The following TBCE variants were observed in gnomAD, a reference collection of about 807,000 sequenced individuals.
The protein encoded by TBCE is tubulin folding cofactor E, also known as tubulin-specific chaperone E.
A neutral mutation model predicts 77.0 loss-of-function variants in TBCE; 53 were observed. That is an observed-to-expected ratio of 0.69 (90% CI 0.55 to 0.87). The LOEUF (loss-of-function observed/expected upper bound fraction) is 0.87. TBCE is among the 40% of genes least tolerant of loss of function. The pLI is 0.00. For missense variants in TBCE, 624 were observed against 622.4 expected, an observed-to-expected ratio of 1.00 and a Z score of -0.03; for synonymous variants, 235 against 241.3, an observed-to-expected ratio of 0.97 and a Z score of 0.24.
At chr1:235,411,351 G>A (rs937021160) in intron 3 of TBCE, among the ~76,000 whole-genome samples, 8 of 152,200 alleles carry the variant, frequency 5.3e-5, no homozygotes, top group African/African-American at 1.7e-4. Flanking sequence ...CACCATTCCA[G>A]TTGAAGCCTT....
intron 2 of TBCE, among the ~76,000 whole-genome samples, chr1:235,382,516 G>C (rs1484393215): frequency 6.6e-6 from 1 of 152,180 alleles, no homozygotes; most frequent in South Asian, 2.1e-4. Context: ...TCTAACTGAT[G>C]TGAGATGGTA....
chr1:235,439,677 G>A (rs1423268863), intron 13 of TBCE, among the ~76,000 whole-genome samples: 4 of 151,486 alleles, frequency 2.6e-5, no homozygotes, highest in Non-Finnish European at 5.9e-5. Flanking sequence ...TAGTAGAGAC[G>A]GGGTTTCACC....
chr1:235,374,790 T>C lies in TBCE; in HGVS notation c.-31-5229T>C, dbSNP rs575169136. ...TGCTGGGATTACAGGTGTGAGCTAC[T>C]GTGCCCAGCTGGCCTTCCACATTTA... On this transcript the variant is annotated intron_variant, in intron 1 of 16. Coordinates refer to ENST00000642610, the MANE Select transcript of TBCE (RefSeq NM_003193.5). Among the ~76,000 whole-genome samples the C allele has an allele frequency of 7.1e-4, 104 of 145,724 alleles. 13 individuals are homozygous for C. Among genetic ancestry groups the C allele is most frequent in the African/African-American group, 2.5e-3 (94 of 37,758 alleles).
intron 2 of TBCE, among the ~76,000 whole-genome samples, chr1:235,391,030 G>A (rs539592931): frequency 2.0e-5 from 3 of 152,116 alleles, no homozygotes; most frequent in Non-Finnish European, 4.4e-5. Flanking sequence ...GGCTGCAGCG[G>A]TGTTCATTGC....
At chr1:235,431,347 CA>C in intron 7 of TBCE, among the ~76,000 whole-genome samples, 1 of 151,946 alleles carries the variant, frequency 6.6e-6, no homozygotes, top group East Asian at 1.9e-4. Context: ...TTCACACACC[CA>C]GAGCATTCCA....
intron 2 of TBCE, among the ~76,000 whole-genome samples, chr1:235,390,749 G>A (rs957422517): frequency 3.4e-5 from 4 of 119,342 alleles, no homozygotes; most frequent in South Asian, 2.6e-4. Context: ...TGACAAGAGC[G>A]AAACGTCTCA....
At chr1:235,392,600 G>A (rs1048178933) in intron 2 of TBCE, among the ~76,000 whole-genome samples, 5 of 151,146 alleles carry the variant, frequency 3.3e-5, no homozygotes, top group Admixed American at 6.6e-5. Flanking sequence ...TGGTAGAGAT[G>A]GGGTTTCACT....
intron 1 of TBCE, among the ~76,000 whole-genome samples, chr1:235,377,327 G>A (rs549993468): frequency 5.3e-5 from 8 of 152,156 alleles, no homozygotes; most frequent in East Asian, 3.9e-4. Flanking sequence ...CTACAGGCGC[G>A]CACTACATGC....
intron 2 of TBCE, among the ~76,000 whole-genome samples, chr1:235,398,102 C>A (rs995692597): frequency 6.6e-6 from 1 of 151,734 alleles, no homozygotes; most frequent in Non-Finnish European, 1.5e-5. Context: ...TCAATTCAAC[C>A]CATTCTGATA....
At chr1:235,382,528 C>G (rs1366424576) in intron 2 of TBCE, among the ~76,000 whole-genome samples, 2 of 152,174 alleles carry the variant, frequency 1.3e-5, no homozygotes, top group African/African-American at 2.4e-5. Flanking sequence ...GAGATGGTAT[C>G]TCATTGAGGT....
intron 13 of TBCE, among the ~76,000 whole-genome samples, chr1:235,440,025 C>T (rs1333640446): frequency 1.3e-5 from 2 of 151,962 alleles, no homozygotes; most frequent in Non-Finnish European, 2.9e-5. Flanking sequence ...GGCTGGAGTG[C>T]AGTGCCGCGA....
intron 6 of TBCE, among the ~76,000 whole-genome samples, chr1:235,427,729 A>G (rs1057149676): frequency 7.9e-5 from 12 of 152,128 alleles, no homozygotes; most frequent in Admixed American, 6.6e-5. Flanking sequence ...CCTCAAGTCA[A>G]ACTAAAATCT....
At chr1:235,398,773 C>T (rs368357534) in intron 2 of TBCE, among the ~76,000 whole-genome samples, 1 of 143,776 alleles carries the variant, frequency 7.0e-6, no homozygotes, top group Non-Finnish European at 1.5e-5. Flanking sequence ...CCCAGCTACT[C>T]GGAAGGCTAA....
At chr1:235,426,989 T>G (rs1182015072) in intron 5 of TBCE, 151 bp from the exon 6 acceptor site, 4 of 647,662 alleles carry the variant, frequency 6.2e-6, no homozygotes, top group Non-Finnish European at 1.1e-5. Context: ...TTGGATAACT[T>G]AAAAATATTA....
chr1:235,396,379 TC>T (rs1355247516), intron 2 of TBCE, among the ~76,000 whole-genome samples: 1 of 152,182 alleles, frequency 6.6e-6, no homozygotes, highest in East Asian at 1.9e-4. Context: ...ATTTTCTTTA[TC>T]CATTCATCTG....
At position 235,436,605 on chromosome 1, in the gene TBCE, A is replaced by G. The variant is rs1345795772; in HGVS notation, c.960A>G (p.Ser320=). 1 of 1,613,546 alleles carries G rather than the reference A, an allele frequency of 6.2e-7. No homozygotes were observed. Among genetic ancestry groups the G allele is most frequent in the South Asian group, 1.1e-5 (1 of 91,078 alleles). The change falls in exon 11 of 17, where the codon TCA becomes TCG. Residue 320 remains serine (S), a synonymous_variant. Coordinates refer to ENST00000642610, the MANE Select transcript of TBCE (RefSeq NM_003193.5). The stretch of plus-strand genomic sequence containing the variant: ...TGGTAGTAAACGACAATCAGATATC[A>G]CAAGTAAGAGCTGCTCGGAGTATGC... ...KYLVVNDNQI[S]QWSFFNELEK...
intron 7 of TBCE, among the ~76,000 whole-genome samples, chr1:235,431,069 G>A (rs781379169): frequency 2.0e-5 from 3 of 152,138 alleles, no homozygotes; most frequent in South Asian, 2.1e-4. Context: ...GTGGCGCTCC[G>A]TTATGGTATG....
chr1:235,402,748 C>T (rs1679190408), intron 3 of TBCE, among the ~76,000 whole-genome samples: 1 of 152,070 alleles, frequency 6.6e-6, no homozygotes, highest in South Asian at 2.1e-4. Flanking sequence ...CCTCAGTCTC[C>T]TGAGTAGCTG....
At chr1:235,371,038 C>CTTT (rs71174417) in intron 1 of TBCE, among the ~76,000 whole-genome samples, 2,576 of 23,286 alleles carry the variant, frequency 0.11, 1,123 homozygotes, top group East Asian at 0.17. Flanking sequence ...TCACGCCTGG[C>CTTT]TTTTTTTTTT....
Sources: gnomAD v4.1 joint callset for allele counts (sites outside exome capture counted in the v4.1 genomes callset) on GRCh38, gnomAD v4.1.1 for gene constraint, MANE v1.5 for transcripts, NCBI Gene and HGNC (gene_info 2026-07-23, HGNC 2026-07-21) for gene names.